Variants in RTN4IP1 observed in about 807,000 individuals in gnomAD.
RTN4IP1 encodes reticulon 4 interacting protein 1.
Under a neutral mutation model 46.6 loss-of-function variants are expected in RTN4IP1, and 32 were observed. That is an observed-to-expected ratio of 0.69 (90% CI 0.52 to 0.92). The LOEUF (loss-of-function observed/expected upper bound fraction) is 0.92. Among genes scored for constraint, RTN4IP1 ranks in the 40% least tolerant of loss-of-function variants. The probability of loss-of-function intolerance (pLI) is 0.00; values close to 1 mark genes in which losing one functional copy is unlikely to be tolerated. For missense variants in RTN4IP1, 424 were observed against 485.8 expected, an observed-to-expected ratio of 0.87 and a Z score of 1.20; for synonymous variants, 167 against 161.8, an observed-to-expected ratio of 1.03 and a Z score of -0.24.
intron 7 of RTN4IP1, among the ~76,000 whole-genome samples, chr6:106,584,869 C>A (rs1218157696): frequency 6.6e-6 from 1 of 152,212 alleles, no homozygotes; most frequent in African/African-American, 2.4e-5. Context: ...TATAGATTAT[C>A]GTCTAACCCA....
At chr6:106,589,589 A>G (rs1467290452) in intron 6 of RTN4IP1, among the ~76,000 whole-genome samples, 3 of 152,136 alleles carry the variant, frequency 2.0e-5, no homozygotes, top group Non-Finnish European at 4.4e-5. Flanking sequence ...GACTGGTGGC[A>G]TGACCTCAAG....
rs371469772 is a variant in RTN4IP1, at chr6:106,629,006, T to A, written c.16A>T (p.Thr6Ser). The stretch of plus-strand genomic sequence containing the variant: ...CATGCATTTCTTCTAAGTACACAAG[T>A]CTTCAGAAATTCCATTGTAAACACT... MEFLKTCVLRRNACTA... is the reference protein window; with the variant it reads MEFLKSCVLRRNACTA... The change falls in exon 1 of 9, where the codon ACT becomes TCT. Residue 6 changes from threonine to serine, a missense_variant. Thr to Ser is a moderately conservative substitution (Grantham distance 58). Coordinates refer to ENST00000369063, the MANE Select transcript of RTN4IP1 (RefSeq NM_032730.5). The A allele has an allele frequency of 5.5e-5, 89 of 1,610,536 alleles. No individual in the cohort carries two copies. The highest frequency in any genetic ancestry group is 7.5e-5 in the Non-Finnish European group (88 of 1,178,028).
chr6:106,627,723 A>C (rs901343551), intron 1 of RTN4IP1, among the ~76,000 whole-genome samples: 2 of 142,602 alleles, frequency 1.4e-5, no homozygotes, highest in African/African-American at 5.1e-5. Flanking sequence ...TGAGACAATC[A>C]CAGTAAAGTC....
In RTN4IP1 at chr6:106,588,718, T is replaced by C. The variant is rs1187832952; in HGVS notation, c.807-856A>G. Among the ~76,000 whole-genome samples, 3 of 152,218 alleles carry C rather than the reference T, an allele frequency of 2.0e-5. No homozygotes were observed. In the East Asian group the frequency reaches 5.8e-4, roughly 29 times the overall value. The stretch of plus-strand genomic sequence containing the variant: ...AGTTGATGAATTCCTTTTTGGTAAA[T>C]CTTTTCTCCCAAATTCATCTGGATG... On this transcript the variant is annotated intron_variant, in intron 6 of 8. Coordinates refer to ENST00000369063, the MANE Select transcript of RTN4IP1 (RefSeq NM_032730.5).
At chr6:106,580,731 A>AC (rs1775349455) in intron 8 of RTN4IP1, among the ~76,000 whole-genome samples, 1 of 151,950 alleles carries the variant, frequency 6.6e-6, no homozygotes, top group South Asian at 2.1e-4. Flanking sequence ...AGAAAAAAAA[A>AC]AAAAAACGAT....
intron 8 of RTN4IP1, among the ~76,000 whole-genome samples, chr6:106,574,629 G>A (rs1006174749): frequency 6.6e-6 from 1 of 152,130 alleles, no homozygotes; most frequent in African/African-American, 2.4e-5. Context: ...CCTGTAGGGG[G>A]TGGGGCAGAA....
intron 6 of RTN4IP1, among the ~76,000 whole-genome samples, chr6:106,591,171 C>T (rs1280226737): frequency 6.6e-6 from 1 of 152,144 alleles, no homozygotes; most frequent in African/African-American, 2.4e-5. Flanking sequence ...TATCTATTCC[C>T]TTTCATTTTT....
In RTN4IP1 at chr6:106,572,390, G is replaced by A. The variant is rs565051537; in HGVS notation, c.1084-287C>T. On this transcript the variant is annotated intron_variant, in intron 8 of 8. Transcript: ENST00000369063. ...AGAACCGTTCAACAGCTCCCACTCC[G>A]GCATTCGAAGACCAATAGCATCCTG... The A allele has an allele frequency of 1.9e-4, 63 of 326,636 alleles. 1 individual carries two copies. The highest frequency in any genetic ancestry group is 1.2e-3 in the African/African-American group (57 of 45,708). 20.2% of individuals were successfully genotyped at this position (326,636 alleles called of 1,614,324 possible).
At position 106,592,227 on chromosome 6, in the gene RTN4IP1, C is replaced by T. The variant is rs922858702; in HGVS notation, c.743G>A (p.Gly248Asp). ...TTTGTAATCAATTACATCGTCTGCA[C>T]CAAGCTTCCTTACAAGTTCACTGGC... ...QDASELVRKL[G>D]ADDVIDYKSG... Residue 248 changes from glycine to aspartate, a missense_variant, in exon 6 of 9, where the codon GGT becomes GAT. By Grantham distance (94) the Gly-to-Asp change is moderately conservative. Transcript: ENST00000369063. 3 of 1,614,106 alleles carry T rather than the reference C, an allele frequency of 1.9e-6. No homozygotes were observed. The highest frequency in any genetic ancestry group is 2.2e-5 in the South Asian group (2 of 91,074).
At chr6:106,626,716 C>T (rs1299016761) in intron 1 of RTN4IP1, among the ~76,000 whole-genome samples, 2 of 152,186 alleles carry the variant, frequency 1.3e-5, no homozygotes, top group Non-Finnish European at 2.9e-5. Context: ...TTTGGTGACA[C>T]GGATGACTGA....
chr6:106,624,391 T>C (rs1776576847), intron 1 of RTN4IP1, among the ~76,000 whole-genome samples: 1 of 151,760 alleles, frequency 6.6e-6, no homozygotes, highest in Admixed American at 6.6e-5. Flanking sequence ...AGCCTCACTC[T>C]GTTGCCCAAA....
At chr6:106,572,525 C>T in intron 8 of RTN4IP1, 1 of 161,354 alleles carries the variant, frequency 6.2e-6, no homozygotes. Context: ...CCCAGAAATC[C>T]TTCTCTGAAA....
At chr6:106,615,722 G>C (rs1208806716) in intron 4 of RTN4IP1, among the ~76,000 whole-genome samples, 2 of 152,132 alleles carry the variant, frequency 1.3e-5, no homozygotes, top group African/African-American at 4.8e-5. Flanking sequence ...AAATATTCAA[G>C]TGCACCAATG....
At chr6:106,620,683 C>A (rs1275596385) in intron 3 of RTN4IP1, among the ~76,000 whole-genome samples, 1 of 151,802 alleles carries the variant, frequency 6.6e-6, no homozygotes, top group East Asian at 1.9e-4. Flanking sequence ...ATATGCATAC[C>A]CTACTCCAAG....
chr6:106,621,289 T>C (rs1776480201), intron 3 of RTN4IP1, 136 bp downstream of exon 3: 2 of 638,764 alleles, frequency 3.1e-6, no homozygotes, highest in South Asian at 4.0e-5. Context: ...CTCTCAAAAA[T>C]TCCTATATTC....
At position 106,628,754 on chromosome 6, in the gene RTN4IP1, T is replaced by C. The variant is rs747420933; in HGVS notation, c.268A>G (p.Met90Val). 6.2e-6 allele frequency: 10 copies of C among 1,604,116 alleles called. No homozygotes were observed. Among genetic ancestry groups the C allele is most frequent in the Non-Finnish European group, 8.5e-6 (10 of 1,172,192 alleles). Residue 90 changes from methionine to valine, a missense_variant, in exon 1 of 9, where the codon ATG (methionine) becomes GTG (valine). Met to Val is a conservative substitution (Grantham distance 21, BLOSUM62 1). Transcript: ENST00000369063. ...AASVNPIDVN[M>V]RSGYGATALN... ...ATGTCTTTTGAAAACTTACTTCTCA[T>C]ATTAACGTCTATAGGATTTACACTG... is the stretch of plus-strand genomic sequence containing the variant.
At chr6:106,613,393 G>A (rs1400051024) in intron 4 of RTN4IP1, among the ~76,000 whole-genome samples, 2 of 152,118 alleles carry the variant, frequency 1.3e-5, no homozygotes, top group Non-Finnish European at 2.9e-5. Context: ...AGTAGTGAAG[G>A]AGAAAGAAAG....
At chr6:106,587,948 T>C (rs527572690) in intron 6 of RTN4IP1, 86 bp from the exon 7 acceptor site, 2 of 1,216,820 alleles carry the variant, frequency 1.6e-6, no homozygotes, top group East Asian at 2.5e-5. Flanking sequence ...CCAGTTGGCT[T>C]AGGGTTTATT....
Position 106,629,430 on chromosome 6 carries a change from C to G in RTN4IP1, c.-409G>C. 1 of 590,712 alleles carries G rather than the reference C, an allele frequency of 1.7e-6. No homozygotes were observed. 36.6% of individuals were successfully genotyped at this position (590,712 alleles called of 1,614,324 possible). On this transcript the variant is annotated 5_prime_UTR_variant, in exon 1 of 9. Coordinates refer to ENST00000369063, the MANE Select transcript of RTN4IP1 (RefSeq NM_032730.5). ...CGCCAGAGAATCGAACGCTTGCCGA[C>G]TGCCGCCGCGACCCTGGCCCGGAAT...
Sources: gnomAD v4.1 joint callset for allele counts (sites outside exome capture counted in the v4.1 genomes callset) on GRCh38, gnomAD v4.1.1 for gene constraint, MANE v1.5 for transcripts, NCBI Gene and HGNC (gene_info 2026-07-23, HGNC 2026-07-21) for gene names.